NAALADL2: variants seen among roughly 807,000 people sequenced by gnomAD.
NAALADL2 encodes inactive N-acetylated-alpha-linked acidic dipeptidase-like protein 2.
NAALADL2 carries 76 observed loss-of-function variants against 87.2 expected under a neutral mutation model. That is an observed-to-expected ratio of 0.87 (90% CI 0.72 to 1.05). The LOEUF (loss-of-function observed/expected upper bound fraction) is 1.05. Among genes scored for constraint, NAALADL2 ranks in the 50% least tolerant of loss-of-function variants. NAALADL2 has a pLI of 0.00. For synonymous variants in NAALADL2, 354 were observed against 331.0 expected, an observed-to-expected ratio of 1.07 and a Z score of -0.75; for missense variants, 1,089 against 945.8, an observed-to-expected ratio of 1.15 and a Z score of -1.99.
At chr3:175,083,640 A>G (rs1218310828) in intron 1 of NAALADL2, among the ~76,000 whole-genome samples, 1 of 152,182 alleles carries the variant, frequency 6.6e-6, no homozygotes, top group African/African-American at 2.4e-5. Flanking sequence ...AATTAAAACT[A>G]ATAGTTACAT....
chr3:175,785,957 C>T (rs1035149341), intron 13 of NAALADL2, among the ~76,000 whole-genome samples: 1 of 151,882 alleles, frequency 6.6e-6, no homozygotes, highest in African/African-American at 2.4e-5. Context: ...TTCTCCTTCA[C>T]TTATGAAGCT....
chr3:175,526,861 G>A (rs1733485341), intron 9 of NAALADL2, among the ~76,000 whole-genome samples: 1 of 152,084 alleles, frequency 6.6e-6, no homozygotes, highest in Non-Finnish European at 1.5e-5. Context: ...TCCACTTTCA[G>A]AAATTAGAGC....
At chr3:174,509,748 C>G (rs1436253863) in intron 1 of NAALADL2, among the ~76,000 whole-genome samples, 1 of 151,388 alleles carries the variant, frequency 6.6e-6, no homozygotes, top group Non-Finnish European at 1.5e-5. Flanking sequence ...CTAATTAGGG[C>G]TATCTTCCTA....
At chr3:174,987,568 CAAAAAAAAAAAAAAAAAAAAAA>C (rs1159602995) in intron 1 of NAALADL2, among the ~76,000 whole-genome samples, 8 of 20,842 alleles carry the variant, frequency 3.8e-4, no homozygotes, top group Admixed American at 8.8e-4. Context: ...GACTCCGTCT[CAAAAAAAAAAAAAAAAAAAAAA>C]AAAAAAAACA....
intron 2 of NAALADL2, among the ~76,000 whole-genome samples, chr3:174,618,488 G>A (rs946864337): frequency 6.6e-6 from 1 of 151,658 alleles, no homozygotes; most frequent in East Asian, 1.9e-4. Flanking sequence ...CACAGCAGAA[G>A]AAAAGGCTTT....
intron 12 of NAALADL2, among the ~76,000 whole-genome samples, chr3:175,744,955 G>GAA (rs559266055): frequency 5.6e-4 from 82 of 146,070 alleles, no homozygotes; most frequent in African/African-American, 1.3e-3. Context: ...CAATTGCAGT[G>GAA]AAAAAAAAAA....
chr3:175,781,835 G>A (rs1326018169), intron 13 of NAALADL2, among the ~76,000 whole-genome samples: 7 of 151,762 alleles, frequency 4.6e-5, no homozygotes, highest in South Asian at 4.2e-4. Flanking sequence ...AGCATTAGGT[G>A]TATCTCCCAA....
intron 9 of NAALADL2, among the ~76,000 whole-genome samples, chr3:175,490,946 G>A (rs933341303): frequency 2.6e-5 from 4 of 152,060 alleles, no homozygotes; most frequent in African/African-American, 9.7e-5. Context: ...ATTTTAGAAT[G>A]TTGATATATA....
chr3:175,215,669 C>T (rs1345928050), intron 2 of NAALADL2, among the ~76,000 whole-genome samples: 1 of 152,138 alleles, frequency 6.6e-6, no homozygotes, highest in Non-Finnish European at 1.5e-5. Flanking sequence ...AGATTACCTG[C>T]TCACTCCTGG....
At chr3:175,557,271 G>T (rs1715430238) in intron 9 of NAALADL2, among the ~76,000 whole-genome samples, 1 of 151,894 alleles carries the variant, frequency 6.6e-6, no homozygotes, top group South Asian at 2.1e-4. Flanking sequence ...ATTTTTGTGG[G>T]TACATGGTAG....
chr3:175,522,108 GAATA>G (rs1273802564), intron 9 of NAALADL2, among the ~76,000 whole-genome samples: 11 of 152,004 alleles, frequency 7.2e-5, no homozygotes, highest in African/African-American at 2.7e-4. Context: ...ACAGTTGATT[GAATA>G]ATCAAATATT....
chr3:175,006,990 C>A (rs1749121296), intron 1 of NAALADL2, among the ~76,000 whole-genome samples: 1 of 151,328 alleles, frequency 6.6e-6, no homozygotes, highest in Admixed American at 6.6e-5. Context: ...TCAATTTAAT[C>A]ACAATAATTG....
At chr3:175,387,018 A>G (rs1237690711) in intron 5 of NAALADL2, among the ~76,000 whole-genome samples, 3 of 152,176 alleles carry the variant, frequency 2.0e-5, no homozygotes, top group African/African-American at 7.2e-5. Flanking sequence ...TAAAGTTGTT[A>G]AGATCTATGG....
intron 1 of NAALADL2, among the ~76,000 whole-genome samples, chr3:175,048,067 T>C (rs976855244): frequency 6.6e-6 from 1 of 152,168 alleles, no homozygotes; most frequent in Non-Finnish European, 1.5e-5. Flanking sequence ...TCTTTGGTAG[T>C]GGGATTTGTA....
At chr3:175,438,142 C>A (rs1481986172) in intron 5 of NAALADL2, among the ~76,000 whole-genome samples, 7 of 152,016 alleles carry the variant, frequency 4.6e-5, no homozygotes, top group African/African-American at 1.7e-4. Context: ...TCACTGATCC[C>A]CTTCCTTTTA....
At chr3:175,738,627 T>G (rs1363337364) in intron 12 of NAALADL2, among the ~76,000 whole-genome samples, 2 of 152,304 alleles carry the variant, frequency 1.3e-5, no homozygotes, top group Non-Finnish European at 2.9e-5. Flanking sequence ...ATACTTCTTA[T>G]GATTTTATTA....
At chr3:175,098,283 T>A (rs1721495793) in intron 2 of NAALADL2, among the ~76,000 whole-genome samples, 1 of 152,142 alleles carries the variant, frequency 6.6e-6, no homozygotes, top group African/African-American at 2.4e-5. Context: ...AGATATGCTG[T>A]TACCTTATAA....
At chr3:174,711,738 T>G (rs888179739) in intron 2 of NAALADL2, among the ~76,000 whole-genome samples, 3 of 152,228 alleles carry the variant, frequency 2.0e-5, no homozygotes, top group Non-Finnish European at 2.9e-5. Flanking sequence ...ATATTCTGCA[T>G]GAGGTTTCTG....
chr3:175,769,988 G>C (rs1749266401), intron 13 of NAALADL2, among the ~76,000 whole-genome samples: 1 of 151,562 alleles, frequency 6.6e-6, no homozygotes, highest in African/African-American at 2.4e-5. Context: ...CTCATGTTTT[G>C]TTTTGAGGCC....
Sources: gnomAD v4.1 joint callset for allele counts (sites outside exome capture counted in the v4.1 genomes callset) on GRCh38, gnomAD v4.1.1 for gene constraint, MANE v1.5 for transcripts, NCBI Gene and HGNC (gene_info 2026-07-23, HGNC 2026-07-21) for gene names.